The following CNDP1 variants were observed in gnomAD, a reference collection of about 807,000 sequenced individuals.
CNDP1 encodes the protein carnosine dipeptidase 1, also known as beta-Ala-His dipeptidase.
In CNDP1, 44 loss-of-function variants were observed where a neutral mutation model predicts 58.1. The ratio of observed to expected loss-of-function variants is 0.76; its 90% CI spans 0.60 to 0.97. The LOEUF (loss-of-function observed/expected upper bound fraction) is 0.97. Ranked by LOEUF, CNDP1 falls within the 50% of genes least tolerant of loss-of-function variation. The pLI, the probability that CNDP1 is intolerant of heterozygous loss-of-function variation, is 0.00. For missense variants in CNDP1, 616 were observed against 655.1 expected (o/e 0.94, Z 0.65); for synonymous variants, 254 against 252.6 (o/e 1.01, Z -0.05).
intron 2 of CNDP1, among the ~76,000 whole-genome samples, chr18:74,557,266 G>C (rs1347129294): frequency 6.6e-6 from 1 of 152,064 alleles, no homozygotes; most frequent in Non-Finnish European, 1.5e-5. Flanking sequence ...CTGTCACCCA[G>C]GCTGGAGTGC....
chr18:74,561,855 T>A (rs1466891096), intron 4 of CNDP1, 192 bp from the exon 5 acceptor site: 1 of 496,048 alleles, frequency 2.0e-6, no homozygotes, highest in African/African-American at 1.9e-5. Flanking sequence ...AGGGAAGAGA[T>A]CCAAGGATCT....
chr18:74,581,395 C>G (rs757178653), intron 10 of CNDP1, among the ~76,000 whole-genome samples: 1 of 152,088 alleles, frequency 6.6e-6, no homozygotes, highest in Non-Finnish European at 1.5e-5. Flanking sequence ...CTCACTAGTG[C>G]CATGGCTGGA....
At chr18:74,558,746 G>A (rs145206584) in intron 2 of CNDP1, among the ~76,000 whole-genome samples, 27 of 152,272 alleles carry the variant, frequency 1.8e-4, no homozygotes, top group Non-Finnish European at 4.0e-4. Flanking sequence ...GGGAGGTTAA[G>A]GAATACATCC....
At chr18:74,566,694 A>G (rs1292077540) in intron 5 of CNDP1, among the ~76,000 whole-genome samples, 1 of 152,268 alleles carries the variant, frequency 6.6e-6, no homozygotes, top group Non-Finnish European at 1.5e-5. Context: ...AAAGCCATTC[A>G]ATAAGTCTCT....
At chr18:74,579,991 G>A in intron 9 of CNDP1, 139 bp from the exon 10 acceptor site, 1 of 725,102 alleles carries the variant, frequency 1.4e-6, no homozygotes, top group South Asian at 1.9e-5. Flanking sequence ...ACACTTGCGT[G>A]TGTCAGGCTG....
intron 6 of CNDP1, among the ~76,000 whole-genome samples, chr18:74,569,096 C>T (rs947763948): frequency 5.9e-5 from 9 of 152,094 alleles, no homozygotes; most frequent in Admixed American, 1.3e-4. Context: ...GGTACAGCAA[C>T]GTTACAAGAG....
At position 74,560,966 on chromosome 18, in the gene CNDP1, T is replaced by A; in HGVS notation, c.414T>A (p.Ala138=). 2 of 1,614,186 alleles carry A rather than the reference T, an allele frequency of 1.2e-6. No individual in the cohort carries two copies. The change falls in exon 4 of 12, where the codon GCT becomes GCA. Residue 138 remains alanine (A), a synonymous_variant. Coordinates refer to ENST00000358821, the MANE Select transcript of CNDP1 (RefSeq NM_032649.6). Reference sequence around the variant, plus strand: ...ACGGCCACTTGGACGTGCAGCCTGCTGACCGGGGCGATGGGTGGCTCACGG... The same window carrying A: ...ACGGCCACTTGGACGTGCAGCCTGCAGACCGGGGCGATGGGTGGCTCACGG... ...CFYGHLDVQP[A]DRGDGWLTDP...
Position 74,556,348 on chromosome 18 carries a change from T to G in CNDP1, c.35T>G (p.Leu12Arg). 1.3e-6 allele frequency: 2 copies of G among 1,586,902 alleles called. No individual in the cohort carries two copies. The highest frequency in any genetic ancestry group is 1.7e-6 in the Non-Finnish European group (2 of 1,170,164). Reference protein sequence around the residue: ...DPKLGRMAASLLAVLLLLLER... With the variant: ...DPKLGRMAASRLAVLLLLLER... ...GTCAAACCCTTCCAGGCTGCGTCCC[T>G]GCTGGCTGTGCTGCTGCTGCTGCTG... Residue 12 changes from leucine (L) to arginine (R), a missense_variant, in exon 2 of 12, where the codon CTG becomes CGG. Leu to Arg is a moderately radical substitution (Grantham distance 102). Transcript: ENST00000358821.
At position 74,556,377 on chromosome 18, in the gene CNDP1, C is replaced by T. The variant is rs746951731; in HGVS notation, c.64C>T (p.Arg22Cys). ...GGCTGTGCTGCTGCTGCTGCTGGAG[C>T]GCGGCATGTTCTCCTCACCCTCCCC... is the stretch of plus-strand genomic sequence containing the variant. ...LLAVLLLLLERGMFSSPSPPP... is the reference protein window; with the variant it reads ...LLAVLLLLLECGMFSSPSPPP... The change falls in exon 2 of 12, where the codon CGC becomes TGC. Residue 22 changes from arginine to cysteine, a missense_variant. Arg to Cys is a radical substitution (Grantham distance 180). Coordinates refer to ENST00000358821, the MANE Select transcript of CNDP1 (RefSeq NM_032649.6). The T allele has an allele frequency of 3.6e-5, 56 of 1,548,778 alleles. 1 individual carries two copies. The highest frequency in any genetic ancestry group is 2.8e-4 in the South Asian group (25 of 88,804).
At chr18:74,584,161 C>T (rs991305898) in intron 11 of CNDP1, 12 of 344,844 alleles carry the variant, frequency 3.5e-5, no homozygotes, top group East Asian at 6.0e-5. Context: ...TTGCTTTATG[C>T]GCTACTGGCA....
chr18:74,581,368 T>C (rs1422007730), intron 10 of CNDP1, among the ~76,000 whole-genome samples: 3 of 152,072 alleles, frequency 2.0e-5, no homozygotes, highest in Non-Finnish European at 4.4e-5. Context: ...TAATTTTACC[T>C]AGTGTGTGGT....
intron 5 of CNDP1, among the ~76,000 whole-genome samples, chr18:74,563,575 G>A (rs1423484477): frequency 6.6e-6 from 1 of 152,188 alleles, no homozygotes; most frequent in Non-Finnish European, 1.5e-5. Flanking sequence ...TGTGAAGCAG[G>A]AATGATAGTT....
chr18:74,578,556 G>C (rs754013202), intron 9 of CNDP1, among the ~76,000 whole-genome samples: 5 of 152,092 alleles, frequency 3.3e-5, no homozygotes, highest in Non-Finnish European at 5.9e-5. Flanking sequence ...AAGCCCAGGG[G>C]TTTAAGGCTG....
chr18:74,544,353 G>A (rs1568291251), intron 1 of CNDP1, among the ~76,000 whole-genome samples: 1 of 152,138 alleles, frequency 6.6e-6, no homozygotes, highest in East Asian at 1.9e-4. Context: ...CAAAGTCCTG[G>A]CCCCCATGGA....
chr18:74,543,509 C>CAAAATAAAATAAAAT lies in CNDP1; in HGVS notation c.24+8838_24+8852dup, dbSNP rs56408022. ...TCCTGTCTCAAAAAATAAAACAAAA[C>CAAAATAAAATAAAAT]AAAATAAAATAAAATAAAATAAAAT... is the stretch of plus-strand genomic sequence containing the variant. On this transcript the variant is annotated intron_variant, in intron 1 of 11. Coordinates refer to ENST00000358821, the MANE Select transcript of CNDP1 (RefSeq NM_032649.6). Among the ~76,000 whole-genome samples the CAAAATAAAATAAAAT allele has an allele frequency of 1.9e-3, 287 of 148,778 alleles. 1 individual carries two copies. The highest frequency in any genetic ancestry group is 6.2e-3 in the African/African-American group (248 of 40,190).
intron 5 of CNDP1, among the ~76,000 whole-genome samples, chr18:74,562,720 G>A (rs1332149350): frequency 1.3e-5 from 2 of 152,218 alleles, no homozygotes; most frequent in Admixed American, 1.3e-4. Context: ...ATTTGAGGAG[G>A]TGGGTCCCCT....
At position 74,587,024 on chromosome 18, in the gene CNDP1, G is replaced by A. The variant is rs909948465; in HGVS notation, c.*2462G>A. On this transcript the variant is annotated 3_prime_UTR_variant, in exon 12 of 12. Transcript: ENST00000358821. ...GCATGCCCATCAGGGGGACTTTGTTGTATTGGAGGAGGGCAATGTATCTGG... is the reference window on the plus strand; with the variant it reads ...GCATGCCCATCAGGGGGACTTTGTTATATTGGAGGAGGGCAATGTATCTGG... 4 of 152,218 alleles carry A rather than the reference G, an allele frequency of 2.6e-5. No individual in the cohort carries two copies. Among genetic ancestry groups the A allele is most frequent in the Non-Finnish European group, 4.4e-5 (3 of 68,040 alleles). 9.4% of individuals were successfully genotyped at this position (152,218 alleles called of 1,614,324 possible).
intron 3 of CNDP1, 121 bp downstream of exon 3, chr18:74,559,593 T>G (rs1981135101): frequency 3.6e-6 from 3 of 839,572 alleles, no homozygotes; most frequent in East Asian, 2.8e-5. Flanking sequence ...ATAACCCCAA[T>G]TCCCAATGAA....
At position 74,556,324 on chromosome 18, in the gene CNDP1, T is replaced by C. The variant is rs768072073; in HGVS notation, c.25-14T>C. On this transcript the variant is annotated splice_polypyrimidine_tract_variant and intron_variant, in intron 1 of 11. Transcript: ENST00000358821. ...TTGATTTTCATTCGTTCCTCCCATG[T>C]CAAACCCTTCCAGGCTGCGTCCCTG... 2.5e-6 allele frequency: 4 copies of C among 1,611,456 alleles called. No individual in the cohort carries two copies. The highest frequency in any genetic ancestry group is 2.5e-6 in the Non-Finnish European group (3 of 1,179,410).
Sources: gnomAD v4.1 joint callset for allele counts (sites outside exome capture counted in the v4.1 genomes callset) on GRCh38, gnomAD v4.1.1 for gene constraint, MANE v1.5 for transcripts, NCBI Gene and HGNC (gene_info 2026-07-23, HGNC 2026-07-21) for gene names.